SNX31: variants seen among roughly 807,000 people sequenced by gnomAD.
SNX31 encodes sorting nexin 31.
SNX31 carries 58 observed loss-of-function variants against 65.4 expected under a neutral mutation model. The observed-to-expected ratio is 0.89, with a 90% CI of 0.72 to 1.10. The LOEUF is 1.10. Ranked by LOEUF, SNX31 falls within the 50% of genes least tolerant of loss-of-function variation. The pLI, the probability that SNX31 is intolerant of heterozygous loss-of-function variation, is 0.00. For missense variants in SNX31, 523 were observed against 529.7 expected (o/e 0.99, Z 0.12); for synonymous variants, 181 against 190.1 (o/e 0.95, Z 0.39).
rs2130962886 is a variant in SNX31 at position 100,604,169 on chromosome 8, C to T, written c.682-3728G>A. On this transcript the variant is annotated intron_variant, in intron 8 of 13. Coordinates refer to ENST00000311812, the MANE Select transcript of SNX31 (RefSeq NM_152628.4). The surrounding 1 kb of genome is among the most constrained non-coding windows in gnomAD (Gnocchi z 4.3). ...AGAGTCGAGTCTAGACAAGTCTACT[C>T]AGTTACACGGTTCCCTGAACACTGG... Among the ~76,000 whole-genome samples the T allele has an allele frequency of 6.6e-6, 1 of 152,266 alleles. No homozygotes were observed. Among genetic ancestry groups the T allele is most frequent in the South Asian group, 2.1e-4 (1 of 4,828 alleles).
At chr8:100,617,559 G>C in intron 5 of SNX31, 61 bp downstream of exon 5, 1 of 1,202,422 alleles carries the variant, frequency 8.3e-7, no homozygotes, top group Non-Finnish European at 1.2e-6. Context: ...CCCATTCTCT[G>C]CTTTCCAAAC....
At chr8:100,623,702 A>T (rs1259088532) in intron 4 of SNX31, among the ~76,000 whole-genome samples, 1 of 152,254 alleles carries the variant, frequency 6.6e-6, no homozygotes, top group African/African-American at 2.4e-5. Flanking sequence ...TTCTCCTTCC[A>T]GAAGGACTTG....
intron 5 of SNX31, among the ~76,000 whole-genome samples, chr8:100,616,413 C>A (rs1563553688): frequency 6.6e-6 from 1 of 152,206 alleles, no homozygotes; most frequent in South Asian, 2.1e-4. Context: ...GCCCCAGACA[C>A]ATGCAGTCTG....
rs1377811837 is a variant in SNX31, at chr8:100,625,227, G to T, written c.321+5100C>A. Among the ~76,000 whole-genome samples the T allele has an allele frequency of 2.0e-5, 3 of 152,124 alleles. No individual in the cohort carries two copies. The highest frequency in any genetic ancestry group is 4.4e-5 in the Non-Finnish European group (3 of 68,020). On this transcript the variant is annotated intron_variant, in intron 4 of 13. Transcript: ENST00000311812. This position sits in a 1 kb window ranked among gnomAD's most constrained non-coding sequence, Gnocchi z 4.2. Reference sequence around the variant, plus strand: ...TCAAAATCCTCCAATACCATGGGCTGCCTTAATGTTTTAAAATACGTGCTT... The same window carrying T: ...TCAAAATCCTCCAATACCATGGGCTTCCTTAATGTTTTAAAATACGTGCTT...
chr8:100,651,034 T>C (rs1819957844), upstream of SNX31, among the ~76,000 whole-genome samples: 1 of 152,162 alleles, frequency 6.6e-6, no homozygotes, highest in African/African-American at 2.4e-5. Flanking sequence ...GTATTTTTAG[T>C]AGAGACAGGG....
In SNX31 at chr8:100,610,358, AT is replaced by A. The variant is rs5893526; in HGVS notation, c.611+1641del. Among the ~76,000 whole-genome samples, 85,098 of 143,896 alleles carry A rather than the reference AT, an allele frequency of 0.59. 24,910 individuals carry two copies. Among genetic ancestry groups the A allele is most frequent in the East Asian group, 0.8 (3,914 of 4,922 alleles). The allele number at this position is 143,896 out of a possible 152,430, so 94.4% of individuals were successfully genotyped here. On this transcript the variant is annotated intron_variant, in intron 7 of 13. Coordinates refer to ENST00000311812, the MANE Select transcript of SNX31 (RefSeq NM_152628.4). The surrounding 1 kb of genome is among the most constrained non-coding windows in gnomAD (Gnocchi z 4.0). Reference sequence around the variant, plus strand: ...ATGAGTGAAAATCTAAGCCCCAAAGATTTTTTTTTTTTTTTTGCTTCCTATA... The same window carrying A: ...ATGAGTGAAAATCTAAGCCCCAAAGATTTTTTTTTTTTTTTGCTTCCTATA...
chr8:100,627,093 T>A (rs1490890568), intron 4 of SNX31, among the ~76,000 whole-genome samples: 2 of 152,104 alleles, frequency 1.3e-5, no homozygotes, highest in Non-Finnish European at 2.9e-5. Flanking sequence ...GTGGCTCACG[T>A]CTGTAATCCC....
At chr8:100,590,890 C>A (rs1273004582) in intron 10 of SNX31, among the ~76,000 whole-genome samples, 1 of 152,046 alleles carries the variant, frequency 6.6e-6, no homozygotes, top group East Asian at 1.9e-4. Flanking sequence ...GAAGGAAAAC[C>A]AAATGAAGTG....
chr8:100,661,466 T>C (rs2131317931), intron 1 of SNX31, among the ~76,000 whole-genome samples: 1 of 152,332 alleles, frequency 6.6e-6, no homozygotes, highest in South Asian at 2.1e-4. Flanking sequence ...AACTGAGTGT[T>C]GGCTCTGATT....
intron 2 of SNX31, among the ~76,000 whole-genome samples, chr8:100,642,004 G>A (rs1309268893): frequency 2.6e-5 from 4 of 151,860 alleles, no homozygotes; most frequent in Non-Finnish European, 2.9e-5. Flanking sequence ...GCGCGAACCC[G>A]GGAGGCGGAG....
intron 4 of SNX31, among the ~76,000 whole-genome samples, chr8:100,628,513 T>C (rs968040844): frequency 2.0e-5 from 3 of 151,212 alleles, no homozygotes; most frequent in Non-Finnish European, 4.4e-5. Context: ...CACCGCATGT[T>C]CTCACTCATA....
intron 3 of SNX31, among the ~76,000 whole-genome samples, chr8:100,634,727 C>T (rs375033395): frequency 4.7e-5 from 7 of 149,248 alleles, no homozygotes; most frequent in South Asian, 2.1e-4. Flanking sequence ...CCAGCCTGGG[C>T]GACAGAGCGA....
In SNX31 at chr8:100,655,338, G is replaced by A. The variant is rs768225723; in HGVS notation, c.-58+7804C>T. ...AAAATTAAAAGAAACAAAAAGCCAGGTGATATGGTTTGGCTGTATCCCCAC... is the reference window on the plus strand; with the variant it reads ...AAAATTAAAAGAAACAAAAAGCCAGATGATATGGTTTGGCTGTATCCCCAC... On this transcript the variant is annotated intron_variant, in intron 1 of 5. Transcript: ENST00000520352. 6.2e-4 allele frequency among the ~76,000 whole-genome samples: 95 copies of A among 152,174 alleles called. 1 individual carries two copies. The highest frequency in any genetic ancestry group is 1.2e-3 in the Non-Finnish European group (80 of 68,030).
In SNX31 at chr8:100,629,592, T is replaced by A. The variant is rs1004836931; in HGVS notation, c.321+735A>T. Among the ~76,000 whole-genome samples the A allele has an allele frequency of 3.3e-5, 5 of 152,228 alleles. No homozygotes were observed. The highest frequency in any genetic ancestry group is 1.2e-4 in the African/African-American group (5 of 41,460). Reference sequence around the variant, plus strand: ...TGAAATGTGTTCTCATTTTTGCAAATCTGATCATTCCTCCCCTGGCTAAGG... The same window carrying A: ...TGAAATGTGTTCTCATTTTTGCAAAACTGATCATTCCTCCCCTGGCTAAGG... On this transcript the variant is annotated intron_variant, in intron 4 of 13. Coordinates refer to ENST00000311812, the MANE Select transcript of SNX31 (RefSeq NM_152628.4). The surrounding 1 kb of genome is among the most constrained non-coding windows in gnomAD (Gnocchi z 5.1).
At chr8:100,577,153 T>G in intron 12 of SNX31, 78 bp from the exon 13 acceptor site, 1 of 1,247,168 alleles carries the variant, frequency 8.0e-7, no homozygotes, top group Non-Finnish European at 1.2e-6. Context: ...CTAGCACACT[T>G]TCCCTTCCAC....
intron 1 of SNX31, among the ~76,000 whole-genome samples, chr8:100,655,081 A>T (rs1241635208): frequency 6.6e-6 from 1 of 152,158 alleles, no homozygotes; most frequent in Non-Finnish European, 1.5e-5. Context: ...CTGCCTAGGA[A>T]GAGGAGGCAG....
In SNX31 at chr8:100,588,821, G is replaced by T. The variant is rs1428159072; in HGVS notation, c.1092+45C>A. On this transcript the variant is annotated intron_variant, in intron 11 of 13. Transcript: ENST00000311812. The surrounding 1 kb of genome is among the most constrained non-coding windows in gnomAD (Gnocchi z 4.8). ...TTCATCCACCCCAGCAAGCAAGACA[G>T]CATTTCAGCACAGAGGGTGTTCAAG... The T allele has an allele frequency of 2.8e-6, 4 of 1,422,542 alleles. No individual in the cohort carries two copies. In the African/African-American group the frequency reaches 5.6e-5, roughly 20 times the overall value. The allele number at this position is 1,422,542 out of a possible 1,614,324, so 88.1% of individuals were successfully genotyped here.
chr8:100,639,302 C>A (rs1818993653), intron 2 of SNX31, among the ~76,000 whole-genome samples: 1 of 152,188 alleles, frequency 6.6e-6, no homozygotes, highest in African/African-American at 2.4e-5. Flanking sequence ...AACCAACTCA[C>A]TGAACGTGGT....
intron 12 of SNX31, among the ~76,000 whole-genome samples, chr8:100,579,017 C>T (rs1043857606): frequency 6.6e-6 from 1 of 151,968 alleles, no homozygotes; most frequent in African/African-American, 2.4e-5. Flanking sequence ...ACACTGTGCC[C>T]GGCCTCAATA....
Sources: gnomAD v4.1 joint callset for allele counts (sites outside exome capture counted in the v4.1 genomes callset) on GRCh38, gnomAD v4.1.1 for gene constraint, Gnocchi (gnomAD v3.1) non-coding constraint, MANE v1.5 for transcripts, NCBI Gene and HGNC (gene_info 2026-07-23, HGNC 2026-07-21) for gene names.